The following EPB41L3 variants were observed in gnomAD, a reference collection of about 807,000 sequenced individuals.
EPB41L3 encodes the protein band 4.1-like protein 3.
In EPB41L3, 57 loss-of-function variants were observed where a neutral mutation model predicts 127.1. The ratio of observed to expected loss-of-function variants is 0.45; its 90% CI spans 0.36 to 0.56. The LOEUF (loss-of-function observed/expected upper bound fraction) is 0.56, where lower values mean the gene tolerates loss of function less well. EPB41L3 is among the 20% of genes least tolerant of loss of function. The pLI is 0.00. For missense variants in EPB41L3, 1,273 were observed against 1,372.2 expected (o/e 0.93, Z 1.14); for synonymous variants, 572 against 549.5 (o/e 1.04, Z -0.57).
intron 3 of EPB41L3, among the ~76,000 whole-genome samples, chr18:5,587,876 C>T (rs563949950): frequency 6.6e-6 from 1 of 152,206 alleles, no homozygotes; most frequent in African/African-American, 2.4e-5. Flanking sequence ...ACAATTATGA[C>T]AATAATGCTT....
At chr18:5,417,613 T>A (rs992749396) in intron 12 of EPB41L3, among the ~76,000 whole-genome samples, 12 of 152,158 alleles carry the variant, frequency 7.9e-5, no homozygotes, top group Admixed American at 1.3e-4. Flanking sequence ...TGTGTGGTTA[T>A]GCAATCCTGA....
chr18:5,478,790 T>C (rs2147924917), intron 2 of EPB41L3, among the ~76,000 whole-genome samples: 1 of 152,338 alleles, frequency 6.6e-6, no homozygotes, highest in East Asian at 1.9e-4. Flanking sequence ...AGATTTCATC[T>C]TACATGTTCT....
Position 5,442,908 on chromosome 18 carries a change from C to T in EPB41L3, c.529+930G>A, listed in dbSNP as rs577685769. Among the ~76,000 whole-genome samples the T allele has an allele frequency of 5.9e-5, 9 of 152,192 alleles. No individual in the cohort carries two copies. The South Asian group carries it at 6.2e-4, about 11-fold the overall frequency. On this transcript the variant is annotated intron_variant, in intron 5 of 22. Coordinates refer to ENST00000341928, the MANE Select transcript of EPB41L3 (RefSeq NM_012307.5). Reference sequence around the variant, plus strand: ...ACAGACATAATTTTTTAAAAACAAACGTGATTATGCTATAGATAATATTTT... The same window carrying T: ...ACAGACATAATTTTTTAAAAACAAATGTGATTATGCTATAGATAATATTTT...
chr18:5,494,365 A>G (rs2090936228), intron 1 of EPB41L3, among the ~76,000 whole-genome samples: 1 of 152,180 alleles, frequency 6.6e-6, no homozygotes, highest in African/African-American at 2.4e-5. Flanking sequence ...GTTTAAAGAA[A>G]CAGTAGAAGA....
At chr18:5,541,022 T>A (rs1295955820) in intron 1 of EPB41L3, among the ~76,000 whole-genome samples, 46 of 147,078 alleles carry the variant, frequency 3.1e-4, no homozygotes, top group African/African-American at 1.1e-3. Context: ...GAGGCGGAGC[T>A]TGCAGTGAGC....
chr18:5,562,478 A>T (rs2094146695), intron 3 of EPB41L3, among the ~76,000 whole-genome samples: 1 of 152,188 alleles, frequency 6.6e-6, no homozygotes, highest in Non-Finnish European at 1.5e-5. Context: ...TCAACCAATT[A>T]TGAGCTGTGT....
chr18:5,582,166 CT>C (rs1474937208), intron 3 of EPB41L3, among the ~76,000 whole-genome samples: 4 of 152,106 alleles, frequency 2.6e-5, no homozygotes, highest in African/African-American at 9.7e-5. Context: ...ACCACAGAGG[CT>C]TTTTCTCAAA....
At position 5,590,037 on chromosome 18, in the gene EPB41L3, A is replaced by G. The variant is rs1054567900; in HGVS notation, c.-306+22303T>C. Among the ~76,000 whole-genome samples, 9 of 152,224 alleles carry G rather than the reference A, an allele frequency of 5.9e-5. No homozygotes were observed. The South Asian group carries it at 1.7e-3, about 28-fold the overall frequency. ...AAAATTAAAATTTGAATCGGAAATA[A>G]AAGGAGAAACATCCATTTATTTTCC... On this transcript the variant is annotated intron_variant, in intron 3 of 21. Transcript: ENST00000545076.
chr18:5,576,393 C>A (rs569174062), intron 3 of EPB41L3, among the ~76,000 whole-genome samples: 2 of 152,256 alleles, frequency 1.3e-5, no homozygotes, highest in Middle Eastern at 3.4e-3. Context: ...GACCCTCGTC[C>A]CTCAGGATGA....
intron 1 of EPB41L3, among the ~76,000 whole-genome samples, chr18:5,528,727 A>T (rs747697617): frequency 2.3e-4 from 35 of 151,970 alleles, no homozygotes; most frequent in Non-Finnish European, 4.7e-4. Context: ...CCTCCCAAGT[A>T]GCTGGGATTA....
intron 3 of EPB41L3, among the ~76,000 whole-genome samples, chr18:5,586,565 ATTT>A (rs10669405): frequency 2.4e-5 from 3 of 125,978 alleles, no homozygotes; most frequent in African/African-American, 9.0e-5. Context: ...ATACATGACT[ATTT>A]TTTTTTTTTT....
intron 11 of EPB41L3, among the ~76,000 whole-genome samples, chr18:5,421,137 T>A (rs56088453): frequency 0.12 from 17,587 of 152,088 alleles, 1,347 homozygotes; most frequent in Non-Finnish European, 0.17. Flanking sequence ...CATACTAACA[T>A]CACTTTTGGG....
intron 1 of EPB41L3, among the ~76,000 whole-genome samples, chr18:5,626,394 A>C (rs2094923967): frequency 6.6e-6 from 1 of 152,228 alleles, no homozygotes; most frequent in South Asian, 2.1e-4. Context: ...CCCTGACAAA[A>C]TGACCAATCA....
intron 3 of EPB41L3, among the ~76,000 whole-genome samples, chr18:5,575,662 C>A (rs919482881): frequency 3.3e-5 from 5 of 152,044 alleles, no homozygotes; most frequent in Admixed American, 2.0e-4. Context: ...CATGGTGAAA[C>A]CCCATCTCTA....
intron 1 of EPB41L3, among the ~76,000 whole-genome samples, chr18:5,614,682 C>A (rs915800883): frequency 1.1e-4 from 16 of 148,914 alleles, no homozygotes; most frequent in South Asian, 2.1e-4. Context: ...TAGGAAAAAA[C>A]CCCACTTCCA....
At chr18:5,518,329 C>T (rs752480998) in intron 1 of EPB41L3, among the ~76,000 whole-genome samples, 2 of 152,088 alleles carry the variant, frequency 1.3e-5, no homozygotes, top group Admixed American at 6.5e-5. Context: ...AGACCGCCAC[C>T]CACCTCCCAC....
chr18:5,469,460 TGTATG>T (rs1216082044), intron 3 of EPB41L3, among the ~76,000 whole-genome samples: 3 of 75,016 alleles, frequency 4.0e-5, no homozygotes, highest in Non-Finnish European at 1.0e-4. Flanking sequence ...CCTGGCTGTG[TGTATG>T]CCTGGCTGTG....
chr18:5,488,529 G>A (rs1252779713), intron 2 of EPB41L3, among the ~76,000 whole-genome samples: 1 of 151,666 alleles, frequency 6.6e-6, no homozygotes, highest in South Asian at 2.1e-4. Context: ...AAACCTGCAC[G>A]TTCTGCACAT....
intron 1 of EPB41L3, among the ~76,000 whole-genome samples, chr18:5,625,273 T>A (rs1470471914): frequency 6.6e-6 from 1 of 151,630 alleles, no homozygotes; most frequent in Non-Finnish European, 1.5e-5. Flanking sequence ...ATAATTACCA[T>A]AACAATCCAA....
Sources: allele counts gnomAD v4.1 joint callset (sites outside exome capture counted in the v4.1 genomes callset), GRCh38; gene constraint gnomAD v4.1.1; transcripts MANE v1.5; gene names NCBI Gene and HGNC (gene_info 2026-07-23, HGNC 2026-07-21).